Variants in BAG4 observed in about 807,000 individuals in gnomAD.
BAG4 encodes BAG family molecular chaperone regulator 4.
Under a neutral mutation model 52.1 loss-of-function variants are expected in BAG4, and 28 were observed. That is an observed-to-expected ratio of 0.54 (90% CI 0.40 to 0.74). The LOEUF is 0.74. BAG4 is among the 30% of genes least tolerant of loss of function. The pLI is 0.00. For missense variants in BAG4, 525 were observed against 572.0 expected (o/e 0.92, Z 0.84); for synonymous variants, 208 against 217.0 (o/e 0.96, Z 0.37).
At position 38,209,233 on chromosome 8, in the gene BAG4, A is replaced by G; in HGVS notation, c.854A>G (p.Gln285Arg). ...CCATGGCCTAGCAGTGGCTCTCCCC[A>G]GTCACCCCCTTCACCCCCAGTCCAG... is the stretch of plus-strand genomic sequence containing the variant. ...TSPWPSSGSPQSPPSPPVQQP... is the reference protein window; with the variant it reads ...TSPWPSSGSPRSPPSPPVQQP... The change falls in exon 4 of 5, where the codon CAG becomes CGG. Residue 285 changes from glutamine (Q) to arginine (R), a missense_variant. Gln to Arg is a conservative substitution (Grantham distance 43). This residue lies in a region of BAG4 where 238 missense variants were observed against 305.8 expected (regional missense o/e 0.78). Coordinates refer to ENST00000287322, the MANE Select transcript of BAG4 (RefSeq NM_004874.4). 6.2e-7 allele frequency: 1 copy of G among 1,614,156 alleles called. No homozygotes were observed. The highest frequency in any genetic ancestry group is 8.5e-7 in the Non-Finnish European group (1 of 1,180,036).
At chr8:38,184,046 G>T (rs1318113795) in intron 1 of BAG4, among the ~76,000 whole-genome samples, 2 of 152,144 alleles carry the variant, frequency 1.3e-5, no homozygotes, top group Non-Finnish European at 2.9e-5. Context: ...AGCTAAACAG[G>T]TTATTGGAGT....
At chr8:38,197,329 A>G (rs1270121464) in intron 2 of BAG4, among the ~76,000 whole-genome samples, 4 of 152,336 alleles carry the variant, frequency 2.6e-5, no homozygotes, top group East Asian at 3.9e-4. Context: ...GGTATAGCCT[A>G]TGGCTTCTAG....
intron 2 of BAG4, chr8:38,202,801 C>G (rs1001593836): frequency 2.6e-5 from 4 of 152,162 alleles, no homozygotes; most frequent in African/African-American, 9.7e-5. Flanking sequence ...CTTGGTCTCC[C>G]AAAGTGCTAG....
At chr8:38,195,908 A>G (rs1803553129) in intron 2 of BAG4, among the ~76,000 whole-genome samples, 3 of 152,116 alleles carry the variant, frequency 2.0e-5, no homozygotes, top group Non-Finnish European at 1.5e-5. Context: ...TTGAAATGTC[A>G]TTACTCCCTC....
intron 2 of BAG4, 38 bp downstream of exon 2, chr8:38,192,833 T>G (rs1803498566): frequency 1.4e-6 from 2 of 1,461,040 alleles, no homozygotes; most frequent in East Asian, 4.6e-5. Flanking sequence ...AACTTTTTCT[T>G]AATGAATAGA....
At chr8:38,180,285 G>A (rs11774769) in intron 1 of BAG4, among the ~76,000 whole-genome samples, 31,727 of 151,890 alleles carry the variant, frequency 0.21, 3,606 homozygotes, top group East Asian at 0.31. Flanking sequence ...CACTTTGGGA[G>A]GCTGAGGCAG....
chr8:38,207,683 T>C lies in BAG4; in HGVS notation c.550T>C (p.Ser184Pro), dbSNP rs143334197. Reference protein sequence around the residue: ...RSSGNSPTPVSRWIYPQQDCQ... With the variant: ...RSSGNSPTPVPRWIYPQQDCQ... ...ATCTGGCAACAGCCCAACTCCAGTCTCTCGTTGGATCTATCCCCAGCAGGA... is the reference window on the plus strand; with the variant it reads ...ATCTGGCAACAGCCCAACTCCAGTCCCTCGTTGGATCTATCCCCAGCAGGA... The change falls in exon 3 of 5, where the codon TCT becomes CCT. Residue 184 changes from serine (S) to proline (P), a missense_variant. Ser to Pro is a moderately conservative substitution (Grantham distance 74). This residue lies in a region of BAG4 where 287 missense variants were observed against 266.1 expected (regional missense o/e 1.08). Transcript: ENST00000287322. 6.2e-7 allele frequency: 1 copy of C among 1,614,012 alleles called. No homozygotes were observed. The highest frequency in any genetic ancestry group is 1.3e-5 in the African/African-American group (1 of 74,984).
intron 1 of BAG4, among the ~76,000 whole-genome samples, chr8:38,184,168 A>G (rs929126695): frequency 1.3e-5 from 2 of 152,160 alleles, no homozygotes; most frequent in Non-Finnish European, 2.9e-5. Flanking sequence ...GATTATAGCC[A>G]GGAAACTTGG....
chr8:38,182,390 G>A (rs570054479), intron 1 of BAG4, among the ~76,000 whole-genome samples: 44 of 152,284 alleles, frequency 2.9e-4, no homozygotes, highest in African/African-American at 9.9e-4. Flanking sequence ...CAGTTTGGGG[G>A]AATGTTGGTA....
chr8:38,187,443 T>G (rs1057381526), intron 1 of BAG4, among the ~76,000 whole-genome samples: 1 of 152,172 alleles, frequency 6.6e-6, no homozygotes, highest in African/African-American at 2.4e-5. Flanking sequence ...GTTGGAGAAG[T>G]GTCAGACACC....
chr8:38,206,048 T>G (rs1333497193), intron 2 of BAG4, among the ~76,000 whole-genome samples: 1 of 151,458 alleles, frequency 6.6e-6, no homozygotes, highest in Non-Finnish European at 1.5e-5. Flanking sequence ...CCCAGCACTT[T>G]GGGAGGCTGA....
chr8:38,207,861 A>G, intron 3 of BAG4, 95 bp downstream of exon 3: 2 of 1,422,538 alleles, frequency 1.4e-6, no homozygotes, highest in Non-Finnish European at 1.9e-6. Context: ...CTGATTTAAT[A>G]AGACACTTCT....
chr8:38,186,071 G>A (rs1185791631), intron 1 of BAG4, among the ~76,000 whole-genome samples: 1 of 152,058 alleles, frequency 6.6e-6, no homozygotes. Flanking sequence ...CTAGGAGGAG[G>A]AGTAGCGTAC....
intron 1 of BAG4, among the ~76,000 whole-genome samples, chr8:38,187,294 G>C (rs1003905279): frequency 5.3e-5 from 8 of 152,154 alleles, no homozygotes; most frequent in Admixed American, 3.3e-4. Flanking sequence ...AAATTCTGGA[G>C]TTGAAAAGTA....
At chr8:38,188,309 T>TAA (rs34790731) in intron 1 of BAG4, among the ~76,000 whole-genome samples, 2,626 of 148,528 alleles carry the variant, frequency 0.018, 64 homozygotes, top group African/African-American at 0.061. Flanking sequence ...CAGACTGGAT[T>TAA]AAAAAAAAAA....
At chr8:38,181,041 C>T (rs1033224555) in intron 1 of BAG4, among the ~76,000 whole-genome samples, 4 of 150,786 alleles carry the variant, frequency 2.7e-5, no homozygotes, top group Non-Finnish European at 5.9e-5. Flanking sequence ...CTTGGGTTCA[C>T]GCCCTTCTCC....
intron 1 of BAG4, among the ~76,000 whole-genome samples, chr8:38,189,777 A>G (rs1803436511): frequency 6.6e-6 from 1 of 152,050 alleles, no homozygotes; most frequent in African/African-American, 2.4e-5. Context: ...ACTTTTATCC[A>G]TATTTGTTTG....
intron 1 of BAG4, 142 bp downstream of exon 1, chr8:38,177,281 A>G: frequency 8.5e-7 from 1 of 1,171,516 alleles, no homozygotes; most frequent in Non-Finnish European, 1.2e-6. Flanking sequence ...GACTAAGATC[A>G]GAGGTTGGGG....
intron 1 of BAG4, among the ~76,000 whole-genome samples, chr8:38,178,902 A>G (rs1803216223): frequency 6.6e-6 from 1 of 152,190 alleles, no homozygotes; most frequent in Non-Finnish European, 1.5e-5. Context: ...TGAGTTGCCG[A>G]GGCTGGAGGA....
Sources: gnomAD v4.1 joint callset for allele counts (sites outside exome capture counted in the v4.1 genomes callset) on GRCh38, gnomAD v4.1.1 for gene constraint, gnomAD v4.1.1 regional missense constraint, MANE v1.5 for transcripts, NCBI Gene and HGNC (gene_info 2026-07-23, HGNC 2026-07-21) for gene names.